KCNN2: variants seen among roughly 807,000 people sequenced by gnomAD.
KCNN2 encodes the protein potassium calcium-activated channel subfamily N member 2.
Under a neutral mutation model 55.5 loss-of-function variants are expected in KCNN2, and 24 were observed. The observed-to-expected ratio is 0.43, with a 90% CI of 0.31 to 0.61. The LOEUF is 0.61. Among genes scored for constraint, KCNN2 ranks in the 20% least tolerant of loss-of-function variants. The pLI, the probability that KCNN2 is intolerant of heterozygous loss-of-function variation, is 0.08. For missense variants in KCNN2, 754 were observed against 853.6 expected (o/e 0.88, Z 1.45); for synonymous variants, 431 against 336.1 (o/e 1.28, Z -3.09).
intron 2 of KCNN2, among the ~76,000 whole-genome samples, chr5:114,332,215 A>ATG (rs1437883466): frequency 6.6e-6 from 1 of 152,200 alleles, no homozygotes; most frequent in Non-Finnish European, 1.5e-5. Context: ...GTAGAAAAGG[A>ATG]TGTGTGACAG....
chr5:114,134,456 A>ATGAT (rs755442466), intron 1 of KCNN2, among the ~76,000 whole-genome samples: 2,286 of 101,472 alleles, frequency 0.023, 34 homozygotes, highest in Non-Finnish European at 0.028. Flanking sequence ...CAATCCAACC[A>ATGAT]TGATTTATTT....
intron 2 of KCNN2, among the ~76,000 whole-genome samples, chr5:114,349,399 T>C (rs962487713): frequency 6.6e-6 from 1 of 152,096 alleles, no homozygotes; most frequent in Non-Finnish European, 1.5e-5. Context: ...TTCTGATGGA[T>C]CAAGGTACAC....
intron 2 of KCNN2, among the ~76,000 whole-genome samples, chr5:114,256,055 G>C (rs987061619): frequency 6.6e-6 from 1 of 151,910 alleles, no homozygotes; most frequent in Non-Finnish European, 1.5e-5. Context: ...CTATGTTCAT[G>C]GGTACACATT....
chr5:114,202,754 TTTTTTGTA>T (rs1355526347), intron 1 of KCNN2, among the ~76,000 whole-genome samples: 1 of 151,240 alleles, frequency 6.6e-6, no homozygotes, highest in Non-Finnish European at 1.5e-5. Context: ...GCCTGGCTAA[TTTTTTGTA>T]TTTTTAGTAG....
intron 1 of KCNN2, among the ~76,000 whole-genome samples, chr5:114,097,327 A>T (rs931328916): frequency 2.0e-5 from 3 of 152,186 alleles, no homozygotes; most frequent in African/African-American, 7.2e-5. Flanking sequence ...TCTGCAAGTT[A>T]GTTCCAGCAT....
intron 1 of KCNN2, among the ~76,000 whole-genome samples, chr5:114,161,644 A>C (rs1044557637): frequency 3.3e-5 from 5 of 152,220 alleles, no homozygotes; most frequent in South Asian, 4.1e-4. Context: ...TACACCAATC[A>C]GACGTAGATT....
chr5:114,098,611 C>G (rs1022270378), intron 1 of KCNN2, among the ~76,000 whole-genome samples: 4 of 151,876 alleles, frequency 2.6e-5, no homozygotes, highest in African/African-American at 7.3e-5. Flanking sequence ...GCACAATTCC[C>G]CCAACCATGT....
At chr5:114,298,373 C>T (rs1317982586) in intron 2 of KCNN2, among the ~76,000 whole-genome samples, 1 of 152,212 alleles carries the variant, frequency 6.6e-6, no homozygotes, top group Non-Finnish European at 1.5e-5. Context: ...ATTCAGCAGC[C>T]TGGTGAACCC....
chr5:114,108,463 T>C (rs1751532364), intron 1 of KCNN2, among the ~76,000 whole-genome samples: 1 of 152,200 alleles, frequency 6.6e-6, no homozygotes, highest in Non-Finnish European at 1.5e-5. Context: ...GCCCACATAT[T>C]AAAAAGCACT....
At chr5:114,152,888 G>A (rs560671630) in intron 1 of KCNN2, among the ~76,000 whole-genome samples, 45 of 152,226 alleles carry the variant, frequency 3.0e-4, no homozygotes, top group Admixed American at 1.6e-3. Flanking sequence ...TACAGAGAGC[G>A]CTGAAAGGGA....
chr5:114,306,832 C>G (rs529446650), intron 2 of KCNN2, among the ~76,000 whole-genome samples: 24 of 151,866 alleles, frequency 1.6e-4, no homozygotes, highest in Non-Finnish European at 3.2e-4. Context: ...TCCTGAGAAG[C>G]TGGAACTACA....
chr5:114,365,609 C>G (rs548203901), intron 2 of KCNN2, among the ~76,000 whole-genome samples: 1 of 152,272 alleles, frequency 6.6e-6, no homozygotes, highest in Admixed American at 6.5e-5. Context: ...CCTATCCTAG[C>G]TTCCAGGCCA....
intron 1 of KCNN2, among the ~76,000 whole-genome samples, chr5:114,190,779 G>T (rs1332507138): frequency 6.6e-6 from 1 of 152,100 alleles, no homozygotes; most frequent in Non-Finnish European, 1.5e-5. Context: ...AATAATAATT[G>T]AAATAAGAGA....
intron 1 of KCNN2, among the ~76,000 whole-genome samples, chr5:114,193,455 G>T (rs115098016): frequency 0.03 from 4,540 of 152,194 alleles, 229 homozygotes; most frequent in African/African-American, 0.1. Flanking sequence ...CAGAGTGAGA[G>T]CCCAAGCCTT....
intron 2 of KCNN2, among the ~76,000 whole-genome samples, chr5:114,321,181 C>T (rs1756607311): frequency 6.6e-6 from 1 of 152,150 alleles, no homozygotes; most frequent in African/African-American, 2.4e-5. Flanking sequence ...TCTTGCTTTT[C>T]CAAACCATAG....
intron 2 of KCNN2, among the ~76,000 whole-genome samples, chr5:114,318,808 T>TCC (rs1353346263): frequency 3.3e-5 from 5 of 152,078 alleles, no homozygotes; most frequent in Non-Finnish European, 5.9e-5. Context: ...AATCCTTGGA[T>TCC]TATGCTTCTG....
At chr5:114,129,313 C>A (rs554220237) in intron 1 of KCNN2, among the ~76,000 whole-genome samples, 6 of 152,136 alleles carry the variant, frequency 3.9e-5, no homozygotes, top group Admixed American at 3.9e-4. Flanking sequence ...TGAGGAAAGT[C>A]TTCTGTTTGA....
At chr5:114,374,701 GA>G (rs1252166117) in intron 2 of KCNN2, among the ~76,000 whole-genome samples, 1 of 152,122 alleles carries the variant, frequency 6.6e-6, no homozygotes, top group African/African-American at 2.4e-5. Flanking sequence ...TGTTATTGTT[GA>G]GTGAGTTTTG....
At chr5:114,060,041 C>G (rs1237951606) in intron 1 of KCNN2, among the ~76,000 whole-genome samples, 1 of 152,262 alleles carries the variant, frequency 6.6e-6, no homozygotes, top group Non-Finnish European at 1.5e-5. Context: ...CCTAACAGCC[C>G]TAGCCCCACA....
Sources: gnomAD v4.1 joint callset for allele counts (sites outside exome capture counted in the v4.1 genomes callset) on GRCh38, gnomAD v4.1.1 for gene constraint, MANE v1.5 for transcripts, NCBI Gene and HGNC (gene_info 2026-07-23, HGNC 2026-07-21) for gene names.